SEC14L1: variants seen among roughly 807,000 people sequenced by gnomAD.
SEC14L1 encodes SEC14 like lipid binding 1.
Under a neutral mutation model 85.3 loss-of-function variants are expected in SEC14L1, and 48 were observed. That is an observed-to-expected ratio of 0.56 (90% CI 0.45 to 0.72). SEC14L1 has a LOEUF of 0.72. Ranked by LOEUF, SEC14L1 falls within the 30% of genes least tolerant of loss-of-function variation. SEC14L1 has a pLI of 0.00. For missense variants in SEC14L1, 682 were observed against 921.4 expected, an observed-to-expected ratio of 0.74 and a Z score of 3.36; for synonymous variants, 391 against 355.5, an observed-to-expected ratio of 1.10 and a Z score of -1.12.
chr17:77,150,523 C>T (rs1329443821), intron 3 of SEC14L1, among the ~76,000 whole-genome samples: 5 of 152,328 alleles, frequency 3.3e-5, no homozygotes, highest in South Asian at 2.1e-4. Context: ...TTCATCCATT[C>T]CAATTTCATA....
intron 3 of SEC14L1, among the ~76,000 whole-genome samples, chr17:77,103,155 C>T (rs756871543): frequency 3.1e-4 from 47 of 151,816 alleles, no homozygotes; most frequent in Non-Finnish European, 5.7e-4. Flanking sequence ...CTCTGTAGTC[C>T]GGTCTGGAGT....
At chr17:77,194,270 AGGGACTG>A (rs2143037554) in intron 6 of SEC14L1, among the ~76,000 whole-genome samples, 1 of 152,276 alleles carries the variant, frequency 6.6e-6, no homozygotes, top group East Asian at 1.9e-4. Flanking sequence ...AAAGCTTGTG[AGGGACTG>A]GGCGCACTGG....
chr17:77,168,344 C>T (rs951703071), intron 3 of SEC14L1, among the ~76,000 whole-genome samples: 8 of 152,116 alleles, frequency 5.3e-5, no homozygotes, highest in Admixed American at 2.0e-4. Context: ...CTGTTCTTCT[C>T]GATCACCTAG....
chr17:77,140,112 T>G (rs1414833646), upstream of SEC14L1, among the ~76,000 whole-genome samples: 4 of 152,166 alleles, frequency 2.6e-5, no homozygotes, highest in Non-Finnish European at 1.5e-5. Context: ...GCATGCGAGG[T>G]GCCCCTTTCT....
chr17:77,124,044 G>A (rs980318535), intron 3 of SEC14L1, among the ~76,000 whole-genome samples: 2 of 152,142 alleles, frequency 1.3e-5, no homozygotes, highest in African/African-American at 2.4e-5. Context: ...CCTTGTGGAC[G>A]ATAATCTCAG....
chr17:77,195,225 G>A (rs954555595), intron 7 of SEC14L1, among the ~76,000 whole-genome samples: 2 of 151,928 alleles, frequency 1.3e-5, no homozygotes, highest in Non-Finnish European at 2.9e-5. Context: ...TGAACTCCTG[G>A]GCTCAAGCAA....
chr17:77,097,864 A>G (rs1971682882), intron 3 of SEC14L1, among the ~76,000 whole-genome samples: 1 of 152,170 alleles, frequency 6.6e-6, no homozygotes, highest in South Asian at 2.1e-4. Context: ...ATAACAGATG[A>G]GTGCTATGGA....
At chr17:77,145,465 G>A (rs1260704146) in intron 3 of SEC14L1, among the ~76,000 whole-genome samples, 1 of 152,166 alleles carries the variant, frequency 6.6e-6, no homozygotes, top group Non-Finnish European at 1.5e-5. Flanking sequence ...TTGTGTGTGT[G>A]GGTAAGAAGC....
upstream of SEC14L1, among the ~76,000 whole-genome samples, chr17:77,138,435 C>CA (rs1598279988): frequency 6.6e-6 from 1 of 151,980 alleles, no homozygotes; most frequent in Non-Finnish European, 1.5e-5. Flanking sequence ...GCCTGACCAA[C>CA]ATGGTGAAAG....
In SEC14L1 at chr17:77,216,637, A is replaced by G; in HGVS notation, c.*2614A>G. ...ATGTTTATAGAACTGTTTGAATTGCAGCCATCCCCTGCCCCCTCCCAGGCT... is the reference window on the plus strand; with the variant it reads ...ATGTTTATAGAACTGTTTGAATTGCGGCCATCCCCTGCCCCCTCCCAGGCT... On this transcript the variant is annotated 3_prime_UTR_variant, in exon 17 of 17. Transcript: ENST00000436233. 1 of 1,611,622 alleles carries G rather than the reference A, an allele frequency of 6.2e-7. No individual in the cohort carries two copies. Among genetic ancestry groups the G allele is most frequent in the Non-Finnish European group, 8.5e-7 (1 of 1,178,196 alleles).
chr17:77,160,601 A>C (rs551523228), intron 3 of SEC14L1, among the ~76,000 whole-genome samples: 1 of 152,374 alleles, frequency 6.6e-6, no homozygotes, highest in South Asian at 2.1e-4. Context: ...TTGACATTCA[A>C]GATTTATTGA....
intron 3 of SEC14L1, among the ~76,000 whole-genome samples, chr17:77,154,861 C>A (rs967664317): frequency 6.6e-6 from 1 of 152,070 alleles, no homozygotes; most frequent in Non-Finnish European, 1.5e-5. Flanking sequence ...ATGGCTGCGT[C>A]CTTACTTCTT....
intron 3 of SEC14L1, among the ~76,000 whole-genome samples, chr17:77,167,223 A>G (rs1465460289): frequency 1.3e-5 from 2 of 149,650 alleles, no homozygotes; most frequent in Non-Finnish European, 3.0e-5. Flanking sequence ...CCACCTCCCA[A>G]TTCATTGTTG....
intron 3 of SEC14L1, among the ~76,000 whole-genome samples, chr17:77,171,047 A>G (rs1466211925): frequency 6.6e-6 from 1 of 152,144 alleles, no homozygotes; most frequent in Non-Finnish European, 1.5e-5. Flanking sequence ...ATGAATTTGA[A>G]TTTTTTGGAA....
intron 11 of SEC14L1, 91 bp downstream of exon 11, chr17:77,205,437 A>G (rs1976416992): frequency 1.7e-6 from 2 of 1,158,228 alleles, no homozygotes; most frequent in African/African-American, 1.5e-5. Flanking sequence ...TCTACTTATT[A>G]TTTTCCAAGG....
At chr17:77,089,642 A>T in intron 2 of SEC14L1, 1 of 374,502 alleles carries the variant, frequency 2.7e-6, no homozygotes, top group Non-Finnish European at 5.3e-6. Context: ...GGATACAGAG[A>T]TGAAGAAAAC....
In SEC14L1 at chr17:77,215,991, C is replaced by A. The variant is rs62649953; in HGVS notation, c.*1968C>A. 1 of 655,400 alleles carries A rather than the reference C, an allele frequency of 1.5e-6. No individual in the cohort carries two copies. Among genetic ancestry groups the A allele is most frequent in the Non-Finnish European group, 1.8e-6 (1 of 565,794 alleles). The allele number at this position is 655,400 out of a possible 1,614,324, so 40.6% of individuals were successfully genotyped here. ...TCGTAGGTAGGGTTAGTAGGTAGGGCTAGTAGGTAGGGTTCGTAGGTAGGG... is the reference window on the plus strand; with the variant it reads ...TCGTAGGTAGGGTTAGTAGGTAGGGATAGTAGGTAGGGTTCGTAGGTAGGG... On this transcript the variant is annotated 3_prime_UTR_variant, in exon 17 of 17. Transcript: ENST00000436233.
chr17:77,169,718 G>C (rs1366434522), intron 3 of SEC14L1, among the ~76,000 whole-genome samples: 1 of 152,186 alleles, frequency 6.6e-6, no homozygotes, highest in Non-Finnish European at 1.5e-5. Flanking sequence ...GAGGAGTAAT[G>C]AAGTGCATTT....
intron 3 of SEC14L1, among the ~76,000 whole-genome samples, chr17:77,147,209 G>C (rs1268877117): frequency 6.6e-6 from 1 of 152,158 alleles, no homozygotes. Context: ...TAATGCCTTT[G>C]TTTGTTTGTT....
Sources: gnomAD v4.1 joint callset for allele counts (sites outside exome capture counted in the v4.1 genomes callset) on GRCh38, gnomAD v4.1.1 for gene constraint, MANE v1.5 for transcripts, NCBI Gene and HGNC (gene_info 2026-07-23, HGNC 2026-07-21) for gene names.